The following QTMAN variants were observed in gnomAD, a reference collection of about 807,000 sequenced individuals.
QTMAN encodes the protein tRNA-queuosine alpha-mannosyltransferase.
the QTMAN span, among the ~76,000 whole-genome samples, chr2:144,312,603 T>C: frequency 6.6e-6 from 1 of 152,170 alleles, no homozygotes; most frequent in Non-Finnish European, 1.5e-5. Context: ...TCAAGTGTGC[T>C]CCCAACTCTC....
the QTMAN span, among the ~76,000 whole-genome samples, chr2:143,963,661 A>G: frequency 6.6e-6 from 1 of 152,110 alleles, no homozygotes; most frequent in Non-Finnish European, 1.5e-5. Context: ...GTAAAGTAAT[A>G]TTCTGGCACC....
chr2:143,963,916 G>A, the QTMAN span: 1 of 151,994 alleles, frequency 6.6e-6, no homozygotes, highest in Non-Finnish European at 1.5e-5. Flanking sequence ...GTAACTATGT[G>A]TTCATTTCTA....
chr2:144,133,725 C>T, the QTMAN span, among the ~76,000 whole-genome samples: 1 of 149,254 alleles, frequency 6.7e-6, no homozygotes, highest in Non-Finnish European at 1.5e-5. Context: ...TAGTGTTATA[C>T]ATTAGAATAA....
the QTMAN span, among the ~76,000 whole-genome samples, chr2:144,183,746 C>T: frequency 1.5e-4 from 23 of 152,198 alleles, no homozygotes; most frequent in East Asian, 1.2e-3. Context: ...AAGGAATTCA[C>T]ATCCTGCATG....
the QTMAN span, among the ~76,000 whole-genome samples, chr2:144,106,685 T>C: frequency 6.6e-6 from 1 of 152,154 alleles, no homozygotes; most frequent in African/African-American, 2.4e-5. Context: ...CTGTCAACAT[T>C]AGACAGATCA....
the QTMAN span, among the ~76,000 whole-genome samples, chr2:144,187,360 C>T: frequency 6.6e-5 from 10 of 152,176 alleles, no homozygotes; most frequent in Non-Finnish European, 1.0e-4. Context: ...TAACAACCTG[C>T]TCTTTCCAAA....
the QTMAN span, among the ~76,000 whole-genome samples, chr2:144,110,690 A>ACCCCC: frequency 8.5e-6 from 1 of 116,984 alleles, no homozygotes; most frequent in African/African-American, 4.4e-5. Flanking sequence ...CCCCCCCCCA[A>ACCCCC]AAAAAAAAAA....
the QTMAN span, among the ~76,000 whole-genome samples, chr2:144,189,696 T>C: frequency 6.6e-6 from 1 of 152,054 alleles, no homozygotes; most frequent in Non-Finnish European, 1.5e-5. Flanking sequence ...CTCGGCTCCC[T>C]GCAACCTCCG....
the QTMAN span, among the ~76,000 whole-genome samples, chr2:144,265,627 C>T: frequency 6.6e-6 from 1 of 150,906 alleles, no homozygotes; most frequent in African/African-American, 2.4e-5. Context: ...ACCCGGGAGG[C>T]GGAGGTTGCA....
the QTMAN span, among the ~76,000 whole-genome samples, chr2:144,308,678 G>T: frequency 6.6e-6 from 1 of 151,958 alleles, no homozygotes. Flanking sequence ...AGATTTCTTA[G>T]ACATTTGCCG....
the QTMAN span, among the ~76,000 whole-genome samples, chr2:144,049,088 G>C: frequency 6.6e-6 from 1 of 151,986 alleles, no homozygotes; most frequent in East Asian, 1.9e-4. Context: ...TGATTAGATT[G>C]ACAGTTGTTG....
the QTMAN span, among the ~76,000 whole-genome samples, chr2:144,143,997 T>G: frequency 6.6e-6 from 1 of 151,982 alleles, no homozygotes; most frequent in Non-Finnish European, 1.5e-5. Flanking sequence ...TTATTTTTCC[T>G]CTGGACAACT....
At chr2:144,266,382 C>T in the QTMAN span, among the ~76,000 whole-genome samples, 2 of 152,178 alleles carry the variant, frequency 1.3e-5, no homozygotes, top group Non-Finnish European at 2.9e-5. Flanking sequence ...TACCCCACAG[C>T]CCCATCACAC....
chr2:144,132,720 A>G, the QTMAN span, among the ~76,000 whole-genome samples: 2 of 147,334 alleles, frequency 1.4e-5, no homozygotes, highest in African/African-American at 4.9e-5. Context: ...AGTTTTCAGA[A>G]TTTTGTTCCC....
At chr2:144,015,963 G>A in the QTMAN span, among the ~76,000 whole-genome samples, 2 of 152,160 alleles carry the variant, frequency 1.3e-5, no homozygotes, top group Non-Finnish European at 2.9e-5. Flanking sequence ...TGTGTCGGGC[G>A]TGACGTGTAG....
the QTMAN span, among the ~76,000 whole-genome samples, chr2:144,215,665 C>T: frequency 6.6e-6 from 1 of 152,098 alleles, no homozygotes; most frequent in Admixed American, 6.6e-5. Flanking sequence ...ACTATAAAAG[C>T]AGCAATGAAT....
chr2:143,981,501 A>T, the QTMAN span, among the ~76,000 whole-genome samples: 1 of 152,350 alleles, frequency 6.6e-6, no homozygotes, highest in East Asian at 1.9e-4. Flanking sequence ...AAGAATCTTA[A>T]TTTGAGAAGA....
At chr2:144,195,599 C>T in the QTMAN span, among the ~76,000 whole-genome samples, 2 of 152,112 alleles carry the variant, frequency 1.3e-5, no homozygotes, top group Admixed American at 6.6e-5. Context: ...CAGTTCAATT[C>T]TAAAACTGCC....
chr2:144,284,575 T>C, the QTMAN span, among the ~76,000 whole-genome samples: 1 of 152,104 alleles, frequency 6.6e-6, no homozygotes, highest in Admixed American at 6.6e-5. Flanking sequence ...TTCTATAACA[T>C]GTATGTCACT....
Sources: gnomAD v4.1 joint callset for allele counts (sites outside exome capture counted in the v4.1 genomes callset) on GRCh38, gnomAD v4.1.1 for gene constraint, MANE v1.5 for transcripts, NCBI Gene and HGNC (gene_info 2026-07-23, HGNC 2026-07-21) for gene names.